Variants in RAB19 observed in about 807,000 individuals in gnomAD.
The protein encoded by RAB19 is RAB19, member RAS oncogene family, also known as ras-related protein Rab-19.
A neutral mutation model predicts 17.3 loss-of-function variants in RAB19; 21 were observed. The observed-to-expected ratio is 1.21, with a 90% CI of 0.86 to 1.74. The LOEUF (loss-of-function observed/expected upper bound fraction) is 1.74. RAB19 is among the 40% of genes most tolerant of loss of function. The pLI, the probability that RAB19 is intolerant of heterozygous loss-of-function variation, is 0.00. For synonymous variants in RAB19, 126 were observed against 110.4 expected (o/e 1.14, Z -0.88); for missense variants, 277 against 286.8 (o/e 0.97, Z 0.25).
At chr7:140,407,580 T>C in intron 1 of RAB19, 44 bp from the exon 2 acceptor site, 2 of 1,473,072 alleles carry the variant, frequency 1.4e-6, no homozygotes, top group South Asian at 1.1e-5. Flanking sequence ...TGTCTTGTAC[T>C]GGATCCCCAG....
At chr7:140,411,326 G>A (rs1799357307) in intron 2 of RAB19, among the ~76,000 whole-genome samples, 1 of 152,144 alleles carries the variant, frequency 6.6e-6, no homozygotes, top group Non-Finnish European at 1.5e-5. Flanking sequence ...TGTGAACCTG[G>A]GAGGCGGAGC....
chr7:140,411,858 T>G lies in RAB19; in HGVS notation c.202-16T>G. 1 of 1,614,090 alleles carries G rather than the reference T, an allele frequency of 6.2e-7. No homozygotes were observed. Among genetic ancestry groups the G allele is most frequent in the Non-Finnish European group, 8.5e-7 (1 of 1,179,966 alleles). Reference sequence around the variant, plus strand: ...GGGAACCCCTGATTTGGACTCTCCTTCCTGTCCTTCTCCAGATGCAGGTGT... The same window carrying G: ...GGGAACCCCTGATTTGGACTCTCCTGCCTGTCCTTCTCCAGATGCAGGTGT... On this transcript the variant is annotated splice_polypyrimidine_tract_variant and intron_variant, in intron 2 of 3. Coordinates refer to ENST00000537763, the MANE Select transcript of RAB19 (RefSeq NM_001008749.3).
chr7:140,404,723 T>C (rs557407416), intron 1 of RAB19, among the ~76,000 whole-genome samples: 2,511 of 152,292 alleles, frequency 0.016, 69 homozygotes, highest in African/African-American at 0.057. Context: ...ACATCAAATG[T>C]AATCATTAAG....
At chr7:140,424,542 A>G (rs1799618217) in intron 3 of RAB19, among the ~76,000 whole-genome samples, 1 of 150,888 alleles carries the variant, frequency 6.6e-6, no homozygotes, top group Non-Finnish European at 1.5e-5. Flanking sequence ...TATACAAGAT[A>G]TTACCATTGG....
Position 140,407,705 on chromosome 7 carries a change from T to C in RAB19, c.59T>C (p.Ile20Thr). 2.5e-6 allele frequency: 4 copies of C among 1,614,070 alleles called. No individual in the cohort carries two copies. The highest frequency in any genetic ancestry group is 3.4e-6 in the Non-Finnish European group (4 of 1,180,020). Residue 20 changes from isoleucine to threonine, a missense_variant, in exon 2 of 4, where the codon ATT becomes ACT. Coordinates refer to ENST00000537763, the MANE Select transcript of RAB19 (RefSeq NM_001008749.3). ...GAGAACTTTGACTATTTGTTCAAGA[T>C]TATCCTCATTGGGGATTCCAATGTG... is the stretch of plus-strand genomic sequence containing the variant. ...ADENFDYLFK[I>T]ILIGDSNVGK...
rs1799457298 is a variant in RAB19, at chr7:140,416,332, A to T, written c.385+4275A>T. On this transcript the variant is annotated intron_variant, in intron 3 of 3. Coordinates refer to ENST00000537763, the MANE Select transcript of RAB19 (RefSeq NM_001008749.3). Reference sequence around the variant, plus strand: ...AACAAGAACAAAACTCTGTCTAAAAAATCAATCAATCAATCAAACAAAAAA... The same window carrying T: ...AACAAGAACAAAACTCTGTCTAAAATATCAATCAATCAATCAAACAAAAAA... Among the ~76,000 whole-genome samples the T allele has an allele frequency of 2.6e-5, 4 of 151,792 alleles. No individual in the cohort carries two copies. The South Asian group carries it at 8.3e-4, about 32-fold the overall frequency.
chr7:140,407,148 G>C (rs902738484), intron 1 of RAB19, among the ~76,000 whole-genome samples: 5 of 152,146 alleles, frequency 3.3e-5, no homozygotes, highest in African/African-American at 7.2e-5. Flanking sequence ...GCCTTCCGAA[G>C]AGCTGGGATT....
chr7:140,408,699 C>T (rs1419779890), intron 2 of RAB19, among the ~76,000 whole-genome samples: 2 of 152,022 alleles, frequency 1.3e-5, no homozygotes, highest in Non-Finnish European at 2.9e-5. Flanking sequence ...TGGTCTCGAA[C>T]TCCTGACCTC....
At position 140,426,919 on chromosome 7, in the gene RAB19, G is replaced by T. The variant is rs1266784780; in HGVS notation, c.*769G>T. 2.1e-5 allele frequency among the ~76,000 whole-genome samples: 3 copies of T among 142,754 alleles called. No individual in the cohort carries two copies. Among genetic ancestry groups the T allele is most frequent in the African/African-American group, 8.0e-5 (3 of 37,368 alleles). 93.7% of individuals were successfully genotyped at this position (142,754 alleles called of 152,430 possible). On this transcript the variant is annotated 3_prime_UTR_variant, in exon 4 of 4. Coordinates refer to ENST00000537763, the MANE Select transcript of RAB19 (RefSeq NM_001008749.3). Reference sequence around the variant, plus strand: ...TATAGTGGTGGGATCTTGGCTCACTGCAACCTCTACCTCCTGGGTTCAAGA... The same window carrying T: ...TATAGTGGTGGGATCTTGGCTCACTTCAACCTCTACCTCCTGGGTTCAAGA...
intron 3 of RAB19, among the ~76,000 whole-genome samples, chr7:140,418,956 T>C (rs1190483149): frequency 6.6e-6 from 1 of 152,174 alleles, no homozygotes; most frequent in Non-Finnish European, 1.5e-5. Context: ...CAAGTGCTTT[T>C]ATGATAAACA....
At chr7:140,412,456 A>G (rs537490513) in intron 3 of RAB19, among the ~76,000 whole-genome samples, 24 of 151,080 alleles carry the variant, frequency 1.6e-4, no homozygotes, top group African/African-American at 5.4e-4. Flanking sequence ...CGTCGGGGGG[A>G]AAAAAAATGT....
At chr7:140,404,708 G>T (rs1365154037) in intron 1 of RAB19, among the ~76,000 whole-genome samples, 1 of 152,060 alleles carries the variant, frequency 6.6e-6, no homozygotes. Flanking sequence ...GGGGCAATTT[G>T]CAGCACATCA....
chr7:140,409,564 G>A (rs1799312489), intron 2 of RAB19, among the ~76,000 whole-genome samples: 1 of 152,186 alleles, frequency 6.6e-6, no homozygotes, highest in South Asian at 2.1e-4. Flanking sequence ...GGGCGTGGTG[G>A]CACATGCCTG....
chr7:140,411,845 T>C, intron 2 of RAB19, 29 bp from the exon 3 acceptor site: 1 of 1,614,054 alleles, frequency 6.2e-7, no homozygotes, highest in African/African-American at 1.3e-5. Context: ...GAACCCCTGA[T>C]TTGGACTCTC....
intron 3 of RAB19, among the ~76,000 whole-genome samples, chr7:140,425,572 A>G (rs1799650002): frequency 6.6e-6 from 1 of 151,750 alleles, no homozygotes; most frequent in African/African-American, 2.4e-5. Flanking sequence ...TAAAAATACA[A>G]AACTAGCCGG....
intron 2 of RAB19, among the ~76,000 whole-genome samples, chr7:140,410,538 G>A (rs2130101979): frequency 6.6e-6 from 1 of 152,012 alleles, no homozygotes; most frequent in South Asian, 2.1e-4. Flanking sequence ...TTGTTAGCCA[G>A]GATGGTCTCG....
At chr7:140,420,415 CAT>C in intron 3 of RAB19, among the ~76,000 whole-genome samples, 1 of 84,434 alleles carries the variant, frequency 1.2e-5, no homozygotes, top group Non-Finnish European at 2.2e-5. Context: ...AGTGAGACTC[CAT>C]ATCAAAAAAA....
intron 1 of RAB19, among the ~76,000 whole-genome samples, chr7:140,406,866 G>A (rs924730811): frequency 8.6e-5 from 13 of 151,536 alleles, no homozygotes; most frequent in African/African-American, 1.7e-4. Context: ...CTACCTGGAT[G>A]GTCAGTAGTT....
Position 140,424,474 on chromosome 7 carries a change from A to G in RAB19, c.386-1408A>G, listed in dbSNP as rs193241098. 1.8e-3 allele frequency among the ~76,000 whole-genome samples: 280 copies of G among 151,910 alleles called. 3 individuals carry two copies. The highest frequency in any genetic ancestry group is 6.5e-3 in the African/African-American group (269 of 41,460). On this transcript the variant is annotated intron_variant, in intron 3 of 3. Coordinates refer to ENST00000537763, the MANE Select transcript of RAB19 (RefSeq NM_001008749.3). The stretch of plus-strand genomic sequence containing the variant: ...GCCTGGCCTCATGACAGGAAATCTG[A>G]TTAAAGTCTGTGGATAGCACCAATG...
Sources: allele counts gnomAD v4.1 joint callset (sites outside exome capture counted in the v4.1 genomes callset), GRCh38; gene constraint gnomAD v4.1.1; transcripts MANE v1.5; gene names NCBI Gene and HGNC (gene_info 2026-07-23, HGNC 2026-07-21).